The following JADE2 variants were observed in gnomAD, a reference collection of about 807,000 sequenced individuals.
The protein encoded by JADE2 is E3 ubiquitin-protein ligase Jade-2.
JADE2 carries 13 observed loss-of-function variants against 85.7 expected under a neutral mutation model. The ratio of observed to expected loss-of-function variants is 0.15; its 90% CI spans 0.10 to 0.24. The LOEUF (loss-of-function observed/expected upper bound fraction) is 0.24, where lower values mean the gene tolerates loss of function less well. Among genes scored for constraint, JADE2 ranks in the 10% least tolerant of loss-of-function variants. JADE2 has a pLI of 1.00. For missense variants in JADE2, 846 were observed against 1,115.9 expected (o/e 0.76, Z 3.45); for synonymous variants, 440 against 456.1 (o/e 0.96, Z 0.45).
intron 5 of JADE2, 130 bp downstream of exon 5, chr5:134,560,120 T>G: frequency 2.0e-6 from 2 of 1,014,154 alleles, no homozygotes; most frequent in Non-Finnish European, 2.9e-6. Flanking sequence ...CCATACTGCA[T>G]TACTGAATGG....
chr5:134,573,277 C>G (rs1764152132), intron 9 of JADE2, among the ~76,000 whole-genome samples: 1 of 152,180 alleles, frequency 6.6e-6, no homozygotes, highest in Admixed American at 6.5e-5. Flanking sequence ...TTATAAAGGA[C>G]AGCAACCATG....
chr5:134,529,832 C>T (rs1395414614), intron 1 of JADE2, among the ~76,000 whole-genome samples: 4 of 152,232 alleles, frequency 2.6e-5, no homozygotes, highest in African/African-American at 9.6e-5. Flanking sequence ...TGAGAAGGTT[C>T]TGAAGAACAA....
At position 134,562,131 on chromosome 5, in the gene JADE2, G is replaced by T; in HGVS notation, c.685-69G>T. Reference sequence around the variant, plus strand: ...GCATGGGGCTGGCACTGGACCAAATGCAGCTGACTGCTGACCAGACACAGA... The same window carrying T: ...GCATGGGGCTGGCACTGGACCAAATTCAGCTGACTGCTGACCAGACACAGA... On this transcript the variant is annotated intron_variant, in intron 6 of 11. Transcript: ENST00000681547. This position sits in a 1 kb window ranked among gnomAD's most constrained non-coding sequence, Gnocchi z 4.6. The T allele has an allele frequency of 6.7e-7, 1 of 1,486,350 alleles. No individual in the cohort carries two copies. The allele number at this position is 1,486,350 out of a possible 1,614,324, so 92.1% of individuals were successfully genotyped here.
At chr5:134,565,765 G>A (rs980903448) in intron 8 of JADE2, among the ~76,000 whole-genome samples, 7 of 151,660 alleles carry the variant, frequency 4.6e-5, no homozygotes, top group South Asian at 2.1e-4. Context: ...CCTGGGAAGC[G>A]GAGGTTGCGG....
intron 9 of JADE2, among the ~76,000 whole-genome samples, chr5:134,570,163 C>T (rs1318999468): frequency 3.9e-5 from 6 of 152,192 alleles, no homozygotes; most frequent in Admixed American, 6.5e-5. Flanking sequence ...AATCCCATAG[C>T]GCTGAGCAGG....
At chr5:134,571,557 T>C (rs1161084973) in intron 9 of JADE2, among the ~76,000 whole-genome samples, 1 of 152,080 alleles carries the variant, frequency 6.6e-6, no homozygotes, top group East Asian at 1.9e-4. Flanking sequence ...ATTAGCCAGG[T>C]GTGGTGGCAG....
intron 4 of JADE2, among the ~76,000 whole-genome samples, chr5:134,553,106 A>G (rs1762695965): frequency 7.4e-6 from 1 of 134,478 alleles, no homozygotes; most frequent in African/African-American, 2.8e-5. Flanking sequence ...TGATCCTCCC[A>G]CCATGGGCAC....
In JADE2 at chr5:134,576,967, C is replaced by T. The variant is rs977317165; in HGVS notation, c.1681+71C>T. The T allele has an allele frequency of 3.4e-4, 502 of 1,469,506 alleles. 3 individuals carry two copies. The highest frequency in any genetic ancestry group is 8.3e-5 in the Non-Finnish European group (92 of 1,105,342). 91.0% of individuals were successfully genotyped at this position (1,469,506 alleles called of 1,614,324 possible). On this transcript the variant is annotated intron_variant, in intron 11 of 11. Coordinates refer to ENST00000681547, the MANE Select transcript of JADE2 (RefSeq NM_001388185.1). ...TCACCACGCTTGCAGCTCTGTCTGC[C>T]CTGCGGAAGGCCAGCTGCACAGAGT...
chr5:134,550,853 G>A (rs557099447), intron 3 of JADE2, among the ~76,000 whole-genome samples: 1 of 152,324 alleles, frequency 6.6e-6, no homozygotes, highest in African/African-American at 2.4e-5. Context: ...CTCAGGGTGT[G>A]ACCACTCATG....
chr5:134,559,758 C>G, intron 4 of JADE2, 72 bp from the exon 5 acceptor site: 1 of 1,500,740 alleles, frequency 6.7e-7, no homozygotes, highest in East Asian at 2.3e-5. Context: ...CTGGACTGGT[C>G]AGCTCCCTGG....
At position 134,579,045 on chromosome 5, in the gene JADE2, A is replaced by C. The variant is rs1193094756; in HGVS notation, c.2233A>C (p.Ser745Arg). 6 of 1,613,886 alleles carry C rather than the reference A, an allele frequency of 3.7e-6. No individual in the cohort carries two copies. Among genetic ancestry groups the C allele is most frequent in the Non-Finnish European group, 4.2e-6 (5 of 1,180,000 alleles). The change falls in exon 12 of 12, where the codon AGC becomes CGC. Residue 745 changes from serine (S) to arginine (R), a missense_variant. Coordinates refer to ENST00000681547, the MANE Select transcript of JADE2 (RefSeq NM_001388185.1). The surrounding 1 kb of genome is among the most constrained non-coding windows in gnomAD (Gnocchi z 4.6). ...SDVQVPGPAASPKPLGRLRPP... is the reference protein window; with the variant it reads ...SDVQVPGPAARPKPLGRLRPP... ...TGTCCAAGTGCCTGGCCCTGCAGCA[A>C]GCCCTAAGCCTTTGGGCCGGCTCCG...
intron 10 of JADE2, 102 bp downstream of exon 10, chr5:134,573,864 C>T (rs758445891): frequency 2.3e-5 from 19 of 826,196 alleles, no homozygotes; most frequent in Admixed American, 1.9e-4. Flanking sequence ...GGGGTATGTG[C>T]GTGGAGCCAA....
intron 3 of JADE2, among the ~76,000 whole-genome samples, chr5:134,544,187 G>T (rs2149904806): frequency 6.6e-6 from 1 of 152,348 alleles, no homozygotes; most frequent in South Asian, 2.1e-4. Context: ...CAGAGGCCTG[G>T]GTCTCTGGAC....
At chr5:134,528,284 C>G (rs1761005492) in intron 1 of JADE2, among the ~76,000 whole-genome samples, 1 of 152,160 alleles carries the variant, frequency 6.6e-6, no homozygotes, top group Admixed American at 6.5e-5. Context: ...AGCTGCCAAC[C>G]GGGCCTGGCT....
chr5:134,558,333 C>T (rs1325671678), intron 4 of JADE2, among the ~76,000 whole-genome samples: 2 of 141,080 alleles, frequency 1.4e-5, no homozygotes, highest in Admixed American at 1.5e-4. Flanking sequence ...TTGTAGGTTG[C>T]CTGTTCACTC....
rs1392928844 is a variant in JADE2, at chr5:134,562,034, T to C, written c.685-166T>C. On this transcript the variant is annotated intron_variant, in intron 6 of 11. Transcript: ENST00000681547. This position sits in a 1 kb window ranked among gnomAD's most constrained non-coding sequence, Gnocchi z 4.6. ...GCCAAGGAGGGCTTTCCAGGAGCCC[T>C]TCCTTCCTTCCTTGCATTGTAACTC... 6.6e-6 allele frequency among the ~76,000 whole-genome samples: 1 copy of C among 152,126 alleles called. No homozygotes were observed. Among genetic ancestry groups the C allele is most frequent in the African/African-American group, 2.4e-5 (1 of 41,434 alleles).
Position 134,566,463 on chromosome 5 carries a change from C to A in JADE2, c.1317C>A (p.Ala439=). ...GGAAGCTGAAGAGGAAAGCCAATGCCAACCAGCCGCTGCTGACCCCCAAGA... is the reference window on the plus strand; with the variant it reads ...GGAAGCTGAAGAGGAAAGCCAATGCAAACCAGCCGCTGCTGACCCCCAAGA... The part of the protein sequence containing the change: ...QYWKLKRKAN[A]NQPLLTPKTD... Residue 439 remains alanine (A), a synonymous_variant, in exon 9 of 12, where the codon GCC becomes GCA. Coordinates refer to ENST00000681547, the MANE Select transcript of JADE2 (RefSeq NM_001388185.1). This position sits in a 1 kb window ranked among gnomAD's most constrained non-coding sequence, Gnocchi z 6.7. The A allele has an allele frequency of 6.2e-7, 1 of 1,613,218 alleles. No individual in the cohort carries two copies. The highest frequency in any genetic ancestry group is 1.1e-5 in the South Asian group (1 of 91,044).
chr5:134,533,939 T>TC (rs1761420931), intron 1 of JADE2, among the ~76,000 whole-genome samples: 1 of 151,622 alleles, frequency 6.6e-6, no homozygotes, highest in Non-Finnish European at 1.5e-5. Context: ...TAGAGATGAG[T>TC]CCCCCTACGT....
At chr5:134,552,237 C>T in intron 4 of JADE2, 28 bp downstream of exon 4, 1 of 1,601,514 alleles carries the variant, frequency 6.2e-7, no homozygotes. Flanking sequence ...GGCTAGGGGG[C>T]CATTGGGACA....
Sources: gnomAD v4.1 joint callset for allele counts (sites outside exome capture counted in the v4.1 genomes callset) on GRCh38, gnomAD v4.1.1 for gene constraint, Gnocchi (gnomAD v3.1) non-coding constraint, MANE v1.5 for transcripts, NCBI Gene and HGNC (gene_info 2026-07-23, HGNC 2026-07-21) for gene names.